Variants in PADI1 observed in about 807,000 individuals in gnomAD.
PADI1 encodes peptidyl arginine deiminase 1.
In PADI1, 65 loss-of-function variants were observed where a neutral mutation model predicts 74.8. The observed-to-expected ratio is 0.87, with a 90% CI of 0.71 to 1.07. PADI1 has a LOEUF of 1.07. Among genes scored for constraint, PADI1 ranks in the 50% least tolerant of loss-of-function variants. The pLI is 0.00. For synonymous variants in PADI1, 371 were observed against 336.2 expected (o/e 1.10, Z -1.13); for missense variants, 943 against 854.0 (o/e 1.10, Z -1.30).
At chr1:17,229,211 C>A (rs907083472) in intron 8 of PADI1, among the ~76,000 whole-genome samples, 160 bp downstream of exon 8, 1 of 152,344 alleles carries the variant, frequency 6.6e-6, no homozygotes, top group East Asian at 1.9e-4. Flanking sequence ...GCTGGGGCCC[C>A]ACCCTGCCCA....
At chr1:17,228,865 G>A (rs996530376) in intron 7 of PADI1, 68 bp downstream of exon 7, 11 of 1,593,162 alleles carry the variant, frequency 6.9e-6, no homozygotes, top group South Asian at 1.1e-5. Flanking sequence ...CAGGCTCCAG[G>A]GCTGGGCAGG....
At chr1:17,240,935 G>GC (rs1201268906) in intron 15 of PADI1, among the ~76,000 whole-genome samples, 175 bp downstream of exon 15, 1 of 152,150 alleles carries the variant, frequency 6.6e-6, no homozygotes, top group Non-Finnish European at 1.5e-5. Flanking sequence ...GGGCAATTTT[G>GC]CCCCCAGGGG....
chr1:17,227,194 C>G (rs12729847), intron 6 of PADI1, among the ~76,000 whole-genome samples: 34 of 150,808 alleles, frequency 2.3e-4, no homozygotes, highest in Middle Eastern at 3.4e-3. Flanking sequence ...CAAGATCATG[C>G]CACTGCACTC....
chr1:17,223,064 C>T (rs545383604), intron 2 of PADI1, among the ~76,000 whole-genome samples: 11 of 152,272 alleles, frequency 7.2e-5, no homozygotes, highest in Admixed American at 4.6e-4. Context: ...GACCCCACCT[C>T]CTCTGCTTGC....
intron 1 of PADI1, among the ~76,000 whole-genome samples, chr1:17,206,671 T>TTTTTTCTTTTTC (rs1447276846): frequency 1.6e-4 from 22 of 136,694 alleles, no homozygotes; most frequent in African/African-American, 6.0e-4. Flanking sequence ...CTGAAGTCTT[T>TTTTTTCTTTTTC]TTTTTCTTTT....
At chr1:17,238,055 TG>T in intron 12 of PADI1, among the ~76,000 whole-genome samples, 1 of 152,280 alleles carries the variant, frequency 6.6e-6, no homozygotes, top group Middle Eastern at 3.4e-3. Flanking sequence ...GTTTTTTGTT[TG>T]TTTGTTTTTC....
intron 14 of PADI1, 72 bp downstream of exon 14, chr1:17,239,855 G>C: frequency 7.8e-7 from 1 of 1,284,540 alleles, no homozygotes; most frequent in Non-Finnish European, 1.1e-6. Flanking sequence ...CAGGAACTGG[G>C]TTGGGTCAGA....
intron 1 of PADI1, among the ~76,000 whole-genome samples, chr1:17,211,683 G>A (rs2100402786): frequency 6.6e-6 from 1 of 152,360 alleles, no homozygotes; most frequent in South Asian, 2.1e-4. Flanking sequence ...CCCAGGCTCT[G>A]AGACTCTTCT....
intron 11 of PADI1, among the ~76,000 whole-genome samples, chr1:17,237,092 C>T (rs2072661336): frequency 1.3e-5 from 2 of 152,246 alleles, no homozygotes; most frequent in Admixed American, 1.3e-4. Context: ...AAACAAGACA[C>T]TTACTGCGAG....
Position 17,237,437 on chromosome 1 carries a change from T to A in PADI1, c.1437T>A (p.Phe479Leu). ...SVGHVDEFLTFVPTSDQKGFR... is the reference protein window; with the variant it reads ...SVGHVDEFLTLVPTSDQKGFR... ...GCCATGTGGACGAGTTTCTGACCTTTGTGCCTACCTCTGACCAAAAGGTGC... is the reference window on the plus strand; with the variant it reads ...GCCATGTGGACGAGTTTCTGACCTTAGTGCCTACCTCTGACCAAAAGGTGC... Residue 479 changes from phenylalanine to leucine, a missense_variant, in exon 12 of 16, where the codon TTT (phenylalanine) becomes TTA (leucine). Physicochemically the swap from Phe to Leu is conservative, Grantham distance 22 (BLOSUM62 0). Coordinates refer to ENST00000375471, the MANE Select transcript of PADI1 (RefSeq NM_013358.3). 6.2e-7 allele frequency: 1 copy of A among 1,612,900 alleles called. No individual in the cohort carries two copies. The highest frequency in any genetic ancestry group is 8.5e-7 in the Non-Finnish European group (1 of 1,179,298).
At chr1:17,227,550 TAAA>T (rs2072353378) in intron 6 of PADI1, among the ~76,000 whole-genome samples, 21 of 141,978 alleles carry the variant, frequency 1.5e-4, no homozygotes, top group African/African-American at 5.2e-4. Context: ...AATAAATAAA[TAAA>T]TAAATAAATA....
chr1:17,225,902 C>T lies in PADI1; in HGVS notation c.500C>T (p.Thr167Ile), dbSNP rs2072295458. The stretch of plus-strand genomic sequence containing the variant: ...CACAGGTCCGCAGAGCCTGACCTCA[C>T]CCACAGCTGGCTGATGTCGCTGGCT... Reference protein sequence around the residue: ...DNHRSAEPDLTHSWLMSLADL... With the variant: ...DNHRSAEPDLIHSWLMSLADL... The change falls in exon 5 of 16, where the codon ACC (threonine) becomes ATC (isoleucine). Residue 167 changes from threonine to isoleucine, a missense_variant. Thr to Ile is a moderately conservative substitution (Grantham distance 89). Transcript: ENST00000375471. The T allele has an allele frequency of 1.2e-6, 2 of 1,613,986 alleles. No individual in the cohort carries two copies. The highest frequency in any genetic ancestry group is 1.3e-5 in the African/African-American group (1 of 75,010).
At position 17,228,782 on chromosome 1, in the gene PADI1, C is replaced by T. The variant is rs376296674; in HGVS notation, c.810C>T (p.Ser270=). Residue 270 remains serine, a synonymous_variant, in exon 7 of 16, where the codon AGC becomes AGT. Transcript: ENST00000375471. ...TAGGGCTGGTTTCCCTCAGTGTCAG[C>T]CTGGTGGACCCGGGGGTGTGTACAG... ...DFLGLVSLSV[S]LVDPGTLPEV... 24 of 1,613,942 alleles carry T rather than the reference C, an allele frequency of 1.5e-5. No individual in the cohort carries two copies. The highest frequency in any genetic ancestry group is 2.2e-5 in the East Asian group (1 of 44,888).
intron 6 of PADI1, among the ~76,000 whole-genome samples, chr1:17,226,433 C>T (rs1018191442): frequency 2.0e-5 from 3 of 152,166 alleles, no homozygotes; most frequent in African/African-American, 7.2e-5. Context: ...GTCTTGGGTG[C>T]ACCAAAGCTC....
At position 17,223,868 on chromosome 1, in the gene PADI1, A is replaced by G. The variant is rs532091499; in HGVS notation, c.346+175A>G. ...TCTGGAACCACAGGGATTGAGACCC[A>G]GCAGTCCTTAGGACCACAAGGATCT... On this transcript the variant is annotated intron_variant, in intron 3 of 15. Coordinates refer to ENST00000375471, the MANE Select transcript of PADI1 (RefSeq NM_013358.3). 1.5e-3 allele frequency among the ~76,000 whole-genome samples: 222 copies of G among 152,368 alleles called. 8 individuals are homozygous for G. The South Asian group carries it at 0.043, about 29-fold the overall frequency.
chr1:17,207,385 G>T (rs1171878804), intron 1 of PADI1, among the ~76,000 whole-genome samples: 1 of 152,198 alleles, frequency 6.6e-6, no homozygotes, highest in Non-Finnish European at 1.5e-5. Context: ...GGCGTGGCTG[G>T]AGCTGCACTT....
At position 17,239,722 on chromosome 1, in the gene PADI1, A is replaced by T; in HGVS notation, c.1571A>T (p.Lys524Ile). The T allele has an allele frequency of 6.2e-7, 1 of 1,613,958 alleles. No homozygotes were observed. Among genetic ancestry groups the T allele is most frequent in the East Asian group, 2.2e-5 (1 of 44,880 alleles). The part of the protein sequence containing the change: ...AQFDGLKHQA[K>I]RSINEMLADR... The stretch of plus-strand genomic sequence containing the variant: ...CTTGCAGGGTTAAAACACCAGGCAA[A>T]AAGAAGCATTAATGAGATGCTGGCA... Residue 524 changes from lysine to isoleucine, a missense_variant, in exon 14 of 16, where the codon AAA becomes ATA. By Grantham distance (102) the Lys-to-Ile change is moderately radical. Transcript: ENST00000375471.
Position 17,244,623 on chromosome 1 carries a change from C to T in PADI1, c.*380C>T. 2.7e-6 allele frequency: 1 copy of T among 370,218 alleles called. No individual in the cohort carries two copies. The highest frequency in any genetic ancestry group is 3.3e-5 in the Admixed American group (1 of 30,052). The allele number at this position is 370,218 out of a possible 1,614,324, so 22.9% of individuals were successfully genotyped here. A position where few individuals can be genotyped will look rare whatever the true frequency, so the allele number is the denominator to read the frequency against. Reference sequence around the variant, plus strand: ...CAAGGATAATGACTTTGCATCTGCACCTGGAACGGGGCCTGGGGGACCTGG... The same window carrying T: ...CAAGGATAATGACTTTGCATCTGCATCTGGAACGGGGCCTGGGGGACCTGG... On this transcript the variant is annotated 3_prime_UTR_variant, in exon 16 of 16. Transcript: ENST00000375471.
At chr1:17,240,843 CA>C (rs1178209741) in intron 15 of PADI1, 83 bp downstream of exon 15, 2 of 1,509,486 alleles carry the variant, frequency 1.3e-6, no homozygotes, top group Non-Finnish European at 1.8e-6. Flanking sequence ...CAGGCTGGTG[CA>C]GAGGCTGGAG....
Sources: allele counts gnomAD v4.1 joint callset (sites outside exome capture counted in the v4.1 genomes callset), GRCh38; gene constraint gnomAD v4.1.1; transcripts MANE v1.5; gene names NCBI Gene and HGNC (gene_info 2026-07-23, HGNC 2026-07-21).